APOO: variants seen among roughly 807,000 people sequenced by gnomAD.
The protein encoded by APOO is apolipoprotein O, also known as MICOS complex subunit MIC26.
In APOO, 11 loss-of-function variants were observed where a neutral mutation model predicts 23.1. The observed-to-expected ratio is 0.48, with a 90% CI of 0.30 to 0.79. The LOEUF is 0.79. Among genes scored for constraint, APOO ranks in the 30% least tolerant of loss-of-function variants. The probability of loss-of-function intolerance (pLI) is 0.07; values close to 1 mark genes in which losing one functional copy is unlikely to be tolerated. For missense variants in APOO, 160 were observed against 142.7 expected (o/e 1.12, Z -0.62); for synonymous variants, 59 against 54.8 (o/e 1.08, Z -0.34).
At chrX:23,853,621 G>T (rs1004031235) in intron 7 of APOO, among the ~76,000 whole-genome samples, 98 of 101,052 alleles carry the variant, frequency 9.7e-4, no homozygotes, top group Non-Finnish European at 1.6e-3. Flanking sequence ...TTTTTTTTTT[G>T]TTTGTTTGTT....
At chrX:23,886,297 T>C (rs1202889327) in intron 1 of APOO, among the ~76,000 whole-genome samples, 1 of 111,443 alleles carries the variant, frequency 9.0e-6, no homozygotes, top group Non-Finnish European at 1.9e-5. Context: ...CAATCACTAC[T>C]AGGCCGGGGA....
chrX:23,890,481 C>T (rs147915338), intron 1 of APOO, among the ~76,000 whole-genome samples: 136 of 112,142 alleles, frequency 1.2e-3, no homozygotes, highest in African/African-American at 4.1e-3. Flanking sequence ...TTCACTTATG[C>T]CCCGTTTACT....
chrX:23,837,900 T>C (rs1385457960), intron 8 of APOO, among the ~76,000 whole-genome samples: 2 of 106,754 alleles, frequency 1.9e-5, no homozygotes, highest in Admixed American at 2.1e-4. Flanking sequence ...ACTCATATAA[T>C]CCACCTACCT....
chrX:23,848,630 T>C (rs1390330149), intron 7 of APOO, among the ~76,000 whole-genome samples: 1 of 110,885 alleles, frequency 9.0e-6, no homozygotes, highest in Non-Finnish European at 1.9e-5. Context: ...TTTATCAAAA[T>C]ATTTCAGCTA....
At chrX:23,845,650 C>A (rs1924195243) in intron 7 of APOO, among the ~76,000 whole-genome samples, 1 of 112,427 alleles carries the variant, frequency 8.9e-6, no homozygotes, top group Admixed American at 9.5e-5. Flanking sequence ...TTTAAAACTA[C>A]ATGACTTACT....
At chrX:23,835,816 A>T (rs1923637645) in intron 8 of APOO, among the ~76,000 whole-genome samples, 1 of 112,434 alleles carries the variant, frequency 8.9e-6, no homozygotes, top group Non-Finnish European at 1.9e-5. Flanking sequence ...CCAAGAGATA[A>T]ACAGAATGAT....
chrX:23,868,781 T>A, intron 4 of APOO, 93 bp from the exon 5 acceptor site: 2 of 577,563 alleles, frequency 3.5e-6, no homozygotes, highest in Non-Finnish European at 5.1e-6. Flanking sequence ...GTATATATAG[T>A]ATCAAGTGCT....
In APOO at chrX:23,901,931, T is replaced by C. The variant is rs773445347; in HGVS notation, c.9+5763A>G. ...TCTCACACTTCTGTGTCCTTGCATG[T>C]GCTTTTCTTCTCTGTTTGGAAGGCC... On this transcript the variant is annotated intron_variant, in intron 1 of 8. Transcript: ENST00000379226. 2.2e-3 allele frequency among the ~76,000 whole-genome samples: 249 copies of C among 112,329 alleles called. 1 individual carries two copies. The highest frequency in any genetic ancestry group is 7.7e-3 in the African/African-American group (238 of 30,934).
intron 1 of APOO, among the ~76,000 whole-genome samples, chrX:23,895,138 C>CA (rs777554795): frequency 0.02 from 1,722 of 86,260 alleles, 22 homozygotes; most frequent in Non-Finnish European, 0.028. Flanking sequence ...GACTCCGCCT[C>CA]AAAAAAAAAA....
At chrX:23,874,739 G>A (rs1019690258) in intron 3 of APOO, among the ~76,000 whole-genome samples, 1 of 111,386 alleles carries the variant, frequency 9.0e-6, no homozygotes, top group East Asian at 2.8e-4. Context: ...CCATTAAAAT[G>A]GAAAAAATAG....
intron 7 of APOO, among the ~76,000 whole-genome samples, chrX:23,843,140 C>G (rs1286089701): frequency 2.7e-5 from 3 of 112,018 alleles, no homozygotes; most frequent in Non-Finnish European, 5.6e-5. Context: ...TCTATACTCG[C>G]CAGTACCTCA....
intron 7 of APOO, among the ~76,000 whole-genome samples, chrX:23,853,587 C>T (rs1314621075): frequency 2.8e-5 from 3 of 108,421 alleles, no homozygotes; most frequent in Admixed American, 2.0e-4. Flanking sequence ...GGATTACAGG[C>T]ATGAGCCACC....
At chrX:23,850,569 G>A (rs906046426) in intron 7 of APOO, among the ~76,000 whole-genome samples, 1 of 111,961 alleles carries the variant, frequency 8.9e-6, no homozygotes, top group Non-Finnish European at 1.9e-5. Context: ...GCTCATGCCT[G>A]TAATCCCAAC....
chrX:23,889,823 G>A (rs1247840712), intron 1 of APOO, among the ~76,000 whole-genome samples: 13 of 109,715 alleles, frequency 1.2e-4, no homozygotes, highest in African/African-American at 2.7e-4. Context: ...CACCACGCCT[G>A]GCTAATTTTT....
chrX:23,887,229 CTTTTTTTTTTT>C (rs765596270), intron 1 of APOO, among the ~76,000 whole-genome samples: 3 of 54,212 alleles, frequency 5.5e-5, no homozygotes, highest in Non-Finnish European at 9.5e-5. Flanking sequence ...TTCTTTTTCC[CTTTTTTTTTTT>C]TTTTTTTTTT....
At chrX:23,875,422 A>T (rs1601918649) in intron 3 of APOO, among the ~76,000 whole-genome samples, 1 of 97,777 alleles carries the variant, frequency 1.0e-5, no homozygotes, top group African/African-American at 3.7e-5. Flanking sequence ...TTATTAATTA[A>T]TTTTTTTTTT....
At chrX:23,899,868 T>C (rs1218097907) in intron 1 of APOO, among the ~76,000 whole-genome samples, 1 of 112,501 alleles carries the variant, frequency 8.9e-6, no homozygotes, top group Admixed American at 9.4e-5. Context: ...ACATATAGAT[T>C]ATAAATTAAA....
chrX:23,855,612 A>G lies in APOO; in HGVS notation c.561+690T>C, dbSNP rs781053786. Among the ~76,000 whole-genome samples the G allele has an allele frequency of 7.2e-5, 8 of 111,630 alleles. No individual in the cohort carries two copies. The South Asian group carries it at 3.0e-3, about 42-fold the overall frequency. ...CTGTGCCTCTGAGTGCTTAGTAGAGACATGATACCTTATTCTCTACTCATT... is the reference window on the plus strand; with the variant it reads ...CTGTGCCTCTGAGTGCTTAGTAGAGGCATGATACCTTATTCTCTACTCATT... On this transcript the variant is annotated intron_variant, in intron 7 of 8. Coordinates refer to ENST00000379226, the MANE Select transcript of APOO (RefSeq NM_024122.5).
intron 7 of APOO, among the ~76,000 whole-genome samples, chrX:23,852,260 T>C (rs1187480857): frequency 9.1e-6 from 1 of 110,342 alleles, no homozygotes; most frequent in African/African-American, 3.3e-5. Flanking sequence ...ACAGTTTCTC[T>C]GACTATGTAC....
Sources: gnomAD v4.1 joint callset for allele counts (sites outside exome capture counted in the v4.1 genomes callset) on GRCh38, gnomAD v4.1.1 for gene constraint, MANE v1.5 for transcripts, NCBI Gene and HGNC (gene_info 2026-07-23, HGNC 2026-07-21) for gene names.